NPAS2: variants seen among roughly 807,000 people sequenced by gnomAD.
The protein encoded by NPAS2 is neuronal PAS domain protein 2, also known as neuronal PAS domain-containing protein 2.
In NPAS2, 23 loss-of-function variants were observed where a neutral mutation model predicts 107.5. The observed-to-expected ratio is 0.21, with a 90% CI of 0.15 to 0.30. NPAS2 has a LOEUF of 0.30. NPAS2 is among the 10% of genes least tolerant of loss of function. NPAS2 has a pLI of 1.00. For missense variants in NPAS2, 756 were observed against 1,043.3 expected (o/e 0.72, Z 3.79); for synonymous variants, 403 against 417.5 (o/e 0.97, Z 0.42).
At chr2:100,903,657 T>C (rs1681942015) in intron 1 of NPAS2, among the ~76,000 whole-genome samples, 1 of 152,086 alleles carries the variant, frequency 6.6e-6, no homozygotes, top group Non-Finnish European at 1.5e-5. Context: ...TAGAAGCGGG[T>C]GGGCAGTGGT....
intron 1 of NPAS2, among the ~76,000 whole-genome samples, chr2:100,837,397 C>T (rs1677133529): frequency 6.6e-6 from 1 of 152,222 alleles, no homozygotes; most frequent in Non-Finnish European, 1.5e-5. Context: ...CAACCTCTGC[C>T]TTCTGGGTTC....
chr2:100,934,835 T>C (rs1684197281), intron 4 of NPAS2: 1 of 985,338 alleles, frequency 1.0e-6, no homozygotes, highest in African/African-American at 1.7e-5. Context: ...TCTCTCCAGC[T>C]GCCCATCTCT....
intron 15 of NPAS2, among the ~76,000 whole-genome samples, chr2:100,980,491 A>G (rs1677370567): frequency 6.6e-6 from 1 of 151,430 alleles, no homozygotes; most frequent in African/African-American, 2.4e-5. Context: ...ATTTTTTGAG[A>G]CGGGGTCTCA....
At chr2:100,860,237 A>G (rs187015324) in intron 1 of NPAS2, among the ~76,000 whole-genome samples, 11 of 152,282 alleles carry the variant, frequency 7.2e-5, no homozygotes, top group Admixed American at 4.6e-4. Flanking sequence ...CCTTCATAGA[A>G]TGACCCTCAG....
At chr2:100,990,190 G>T (rs1162446960) in intron 17 of NPAS2, 66 bp from the exon 18 acceptor site, 1 of 1,481,026 alleles carries the variant, frequency 6.8e-7, no homozygotes, top group Non-Finnish European at 9.3e-7. Context: ...ACACTGGGAG[G>T]TTTCCTGGAG....
intron 1 of NPAS2, among the ~76,000 whole-genome samples, chr2:100,902,158 G>C (rs936989498): frequency 6.6e-6 from 1 of 152,064 alleles, no homozygotes; most frequent in African/African-American, 2.4e-5. Flanking sequence ...ACTTCTCTGT[G>C]ATTCCTTTAA....
intron 17 of NPAS2, chr2:100,989,921 C>G: frequency 3.9e-6 from 1 of 258,858 alleles, no homozygotes; most frequent in Non-Finnish European, 7.4e-6. Flanking sequence ...GCAGTCAGCT[C>G]GTGCAAAGGC....
intron 2 of NPAS2, among the ~76,000 whole-genome samples, chr2:100,915,968 G>A (rs937420061): frequency 6.6e-6 from 1 of 152,118 alleles, no homozygotes; most frequent in African/African-American, 2.4e-5. Context: ...AGAAGGTAGA[G>A]GGGGCTATAT....
chr2:100,906,677 C>T (rs983754466), intron 2 of NPAS2, among the ~76,000 whole-genome samples: 23 of 152,230 alleles, frequency 1.5e-4, no homozygotes, highest in African/African-American at 5.5e-4. Context: ...TGCAACCTCC[C>T]TCTCCCGGGT....
At chr2:100,938,670 G>C (rs1684511007) in intron 5 of NPAS2, among the ~76,000 whole-genome samples, 1 of 149,934 alleles carries the variant, frequency 6.7e-6, no homozygotes. Flanking sequence ...GTCTGCACCT[G>C]GCTGGTGGAG....
chr2:100,875,509 A>G (rs982905632), intron 1 of NPAS2, among the ~76,000 whole-genome samples: 1 of 132,228 alleles, frequency 7.6e-6, no homozygotes, highest in Non-Finnish European at 1.6e-5. Flanking sequence ...CACACACAGC[A>G]TGTAGGGATC....
intron 1 of NPAS2, among the ~76,000 whole-genome samples, chr2:100,841,719 A>G (rs1013023408): frequency 6.6e-6 from 1 of 152,160 alleles, no homozygotes; most frequent in African/African-American, 2.4e-5. Context: ...ATATACAAAC[A>G]TGCATATACA....
intron 2 of NPAS2, among the ~76,000 whole-genome samples, chr2:100,919,332 C>A (rs750264388): frequency 6.6e-6 from 1 of 151,752 alleles, no homozygotes; most frequent in Non-Finnish European, 1.5e-5. Flanking sequence ...ACCGTGTCCC[C>A]GAAGAAAAAG....
intron 2 of NPAS2, among the ~76,000 whole-genome samples, chr2:100,915,871 A>G (rs1367813709): frequency 6.6e-6 from 1 of 152,238 alleles, no homozygotes; most frequent in African/African-American, 2.4e-5. Context: ...GAAATGGTAA[A>G]TATTTGACAA....
chr2:100,916,138 A>G (rs1682868338), intron 2 of NPAS2, among the ~76,000 whole-genome samples: 1 of 152,216 alleles, frequency 6.6e-6, no homozygotes, highest in South Asian at 2.1e-4. Flanking sequence ...ATACTAAAAA[A>G]TGTTTAAATA....
chr2:100,925,846 G>A (rs1683527524), intron 3 of NPAS2, among the ~76,000 whole-genome samples: 1 of 152,122 alleles, frequency 6.6e-6, no homozygotes, highest in African/African-American at 2.4e-5. Context: ...GAGTGCAGTG[G>A]TCTTCAGTAT....
chr2:100,843,005 G>A (rs1373600258), intron 1 of NPAS2, among the ~76,000 whole-genome samples: 2 of 152,088 alleles, frequency 1.3e-5, no homozygotes, highest in Non-Finnish European at 2.9e-5. Flanking sequence ...CAGATCATGA[G>A]GTCAAGAGAT....
intron 7 of NPAS2, 54 bp downstream of exon 7, chr2:100,949,534 C>G (rs578049482): frequency 2.0e-6 from 2 of 1,012,936 alleles, no homozygotes; most frequent in South Asian, 2.6e-5. Context: ...TGCAAACGTG[C>G]ACATGGGGGC....
At chr2:100,920,117 C>G (rs932104741) in intron 2 of NPAS2, among the ~76,000 whole-genome samples, 3 of 152,112 alleles carry the variant, frequency 2.0e-5, no homozygotes, top group African/African-American at 7.2e-5. Flanking sequence ...AGAGAACCCT[C>G]AAGTCAGAAG....
Sources: allele counts gnomAD v4.1 joint callset (sites outside exome capture counted in the v4.1 genomes callset), GRCh38; gene constraint gnomAD v4.1.1; transcripts MANE v1.5; gene names NCBI Gene and HGNC (gene_info 2026-07-23, HGNC 2026-07-21).